Variants in SGSM1 observed in about 807,000 individuals in gnomAD.
SGSM1 encodes RUN and TBC1 domain containing 2.
SGSM1 carries 73 observed loss-of-function variants against 133.8 expected under a neutral mutation model. The observed-to-expected ratio is 0.55, with a 90% CI of 0.45 to 0.66. SGSM1 has a LOEUF of 0.66. SGSM1 is among the 30% of genes least tolerant of loss of function. The probability of loss-of-function intolerance (pLI) is 0.00; values close to 1 mark genes in which losing one functional copy is unlikely to be tolerated. For missense variants in SGSM1, 1,213 were observed against 1,448.1 expected, an observed-to-expected ratio of 0.84 and a Z score of 2.64; for synonymous variants, 563 against 573.0, an observed-to-expected ratio of 0.98 and a Z score of 0.25.
At chr22:24,837,357 G>T (rs1280098639) in intron 2 of SGSM1, among the ~76,000 whole-genome samples, 1 of 152,208 alleles carries the variant, frequency 6.6e-6, no homozygotes, top group African/African-American at 2.4e-5. Context: ...GCATATCAGG[G>T]ACTATTAGTA....
At chr22:24,889,557 G>T (rs1375061779) in intron 16 of SGSM1, among the ~76,000 whole-genome samples, 2 of 151,460 alleles carry the variant, frequency 1.3e-5, no homozygotes, top group Non-Finnish European at 2.9e-5. Context: ...TTATAGGCAT[G>T]CGCCACCACA....
intron 10 of SGSM1, 34 bp from the exon 11 acceptor site, chr22:24,868,341 TC>T (rs1931569779): frequency 3.1e-6 from 5 of 1,589,156 alleles, no homozygotes; most frequent in Non-Finnish European, 4.3e-6. Flanking sequence ...CATAGTGACT[TC>T]CACTGGGTCT....
intron 14 of SGSM1, among the ~76,000 whole-genome samples, chr22:24,882,011 G>T (rs180899473): frequency 6.9e-6 from 1 of 145,894 alleles, no homozygotes; most frequent in Admixed American, 7.1e-5. Flanking sequence ...TACTGACTTG[G>T]GGGGGGGCCT....
intron 2 of SGSM1, among the ~76,000 whole-genome samples, chr22:24,809,261 T>A (rs981889793): frequency 7.2e-5 from 11 of 152,332 alleles, no homozygotes; most frequent in Non-Finnish European, 1.5e-4. Flanking sequence ...CCTAGAAATC[T>A]GAGAGTCAAA....
At chr22:24,807,605 C>G (rs1232765369) in intron 2 of SGSM1, among the ~76,000 whole-genome samples, 2 of 152,172 alleles carry the variant, frequency 1.3e-5, no homozygotes, top group African/African-American at 4.8e-5. Flanking sequence ...CCCATTGCTG[C>G]TGTGTCTTCA....
chr22:24,825,680 T>C (rs1317619584), intron 2 of SGSM1, among the ~76,000 whole-genome samples: 2 of 152,210 alleles, frequency 1.3e-5, no homozygotes, highest in African/African-American at 4.8e-5. Context: ...TCCACCCGCC[T>C]CAGCCTCCCA....
Position 24,868,870 on chromosome 22 carries a change from C to T in SGSM1, c.1291+15C>T, listed in dbSNP as rs978503589. On this transcript the variant is annotated intron_variant, in intron 12 of 24. Coordinates refer to ENST00000400358, the MANE Select transcript of SGSM1 (RefSeq NM_001098497.3). ...GTCGGAATTCGGTGAGCTGCCCTGT[C>T]CCGGGCCCCGGGGAGTCACCTGCTA... 1 of 1,612,102 alleles carries T rather than the reference C, an allele frequency of 6.2e-7. No homozygotes were observed. Among genetic ancestry groups the T allele is most frequent in the Non-Finnish European group, 8.5e-7 (1 of 1,179,070 alleles).
In SGSM1 at chr22:24,893,466, C is replaced by T. The variant is rs1451919703; in HGVS notation, c.1806C>T (p.Thr602=). The T allele has an allele frequency of 1.2e-6, 2 of 1,613,904 alleles. No homozygotes were observed. The highest frequency in any genetic ancestry group is 4.5e-5 in the East Asian group (2 of 44,860). ...AGATTCATGCCTGCTATGCACAGAC[C>T]ATGGCTGAGTGGCTGGGCTGCGAGG... is the stretch of plus-strand genomic sequence containing the variant. ...DEQIHACYAQ[T]MAEWLGCEAI... is the part of the protein sequence containing the mutation. Residue 602 remains threonine (T), a synonymous_variant, in exon 17 of 25, where the codon ACC becomes ACT. Coordinates refer to ENST00000400358, the MANE Select transcript of SGSM1 (RefSeq NM_001098497.3).
chr22:24,905,839 C>T lies in SGSM1; in HGVS notation c.2818+652C>T, dbSNP rs1337887662. 5.3e-5 allele frequency among the ~76,000 whole-genome samples: 8 copies of T among 151,168 alleles called. No individual in the cohort carries two copies. The East Asian group carries it at 7.7e-4, about 15-fold the overall frequency. Reference sequence around the variant, plus strand: ...AAAAGAAGGATTAATGCCAATTCTTCGTGAACTCTTCAAAAACGTAGAAAA... The same window carrying T: ...AAAAGAAGGATTAATGCCAATTCTTTGTGAACTCTTCAAAAACGTAGAAAA... On this transcript the variant is annotated intron_variant, in intron 21 of 24. Coordinates refer to ENST00000400358, the MANE Select transcript of SGSM1 (RefSeq NM_001098497.3).
At chr22:24,872,626 T>C (rs1186406399) in intron 12 of SGSM1, among the ~76,000 whole-genome samples, 1 of 152,218 alleles carries the variant, frequency 6.6e-6, no homozygotes, top group Non-Finnish European at 1.5e-5. Context: ...GCTACAAAAA[T>C]TTTTAAATTA....
At chr22:24,846,016 T>C (rs1181220689) in intron 3 of SGSM1, among the ~76,000 whole-genome samples, 2 of 142,298 alleles carry the variant, frequency 1.4e-5, no homozygotes, top group Non-Finnish European at 3.0e-5. Context: ...TTTCTTCATT[T>C]CTTTCTCTCT....
At chr22:24,891,550 T>A (rs1321926598) in intron 16 of SGSM1, among the ~76,000 whole-genome samples, 2 of 152,128 alleles carry the variant, frequency 1.3e-5, no homozygotes, top group Non-Finnish European at 2.9e-5. Context: ...TCAGTACTAG[T>A]GTGAGGCCCC....
intron 22 of SGSM1, among the ~76,000 whole-genome samples, chr22:24,913,024 T>C (rs60529841): frequency 0.056 from 8,455 of 152,146 alleles, 368 homozygotes; most frequent in African/African-American, 0.11. Flanking sequence ...GCACAGTGCA[T>C]GTCAGTGCCT....
chr22:24,882,929 G>A (rs6004345), intron 14 of SGSM1, among the ~76,000 whole-genome samples: 32,554 of 147,962 alleles, frequency 0.22, 3,846 homozygotes, highest in African/African-American at 0.31. Flanking sequence ...ACAGAGTCTC[G>A]CTCTGTCGCC....
intron 2 of SGSM1, chr22:24,814,294 CAAAAA>C (rs1045853890): frequency 1.5e-5 from 1 of 66,110 alleles, no homozygotes; most frequent in African/African-American, 5.3e-5. Context: ...CAAAACAAAA[CAAAAA>C]CTAGCATATA....
At chr22:24,887,183 G>T (rs1466088731) in intron 16 of SGSM1, among the ~76,000 whole-genome samples, 1 of 111,410 alleles carries the variant, frequency 9.0e-6, no homozygotes, top group Non-Finnish European at 1.9e-5. Flanking sequence ...CCATCACCAC[G>T]GCCAACATAC....
At chr22:24,819,305 G>T (rs1230645114) in intron 2 of SGSM1, among the ~76,000 whole-genome samples, 3 of 152,180 alleles carry the variant, frequency 2.0e-5, no homozygotes, top group Admixed American at 1.3e-4. Flanking sequence ...AATTGAAAAT[G>T]CAGTTCCTCA....
rs1001037431 is a variant in SGSM1, at chr22:24,876,707, C to A, written c.1422C>A (p.Asn474Lys). ...ATGGTAGCTCGACCAATGGCTGCAA[C>A]CATGAGAGGTATGAGGGGCTTGAGC... ...SADGSSTNGC[N>K]HERAPLKLLC... The change falls in exon 13 of 25, where the codon AAC (asparagine) becomes AAA (lysine). Residue 474 changes from asparagine to lysine, a missense_variant. Coordinates refer to ENST00000400358, the MANE Select transcript of SGSM1 (RefSeq NM_001098497.3). The A allele has an allele frequency of 6.2e-7, 1 of 1,613,886 alleles. No homozygotes were observed. The highest frequency in any genetic ancestry group is 8.5e-7 in the Non-Finnish European group (1 of 1,179,864).
chr22:24,845,295 C>A (rs1930033705), intron 3 of SGSM1, among the ~76,000 whole-genome samples: 1 of 152,020 alleles, frequency 6.6e-6, no homozygotes, highest in Non-Finnish European at 1.5e-5. Flanking sequence ...GTGGCTATTG[C>A]TAGGTAAAGG....
Sources: gnomAD v4.1 joint callset for allele counts (sites outside exome capture counted in the v4.1 genomes callset) on GRCh38, gnomAD v4.1.1 for gene constraint, MANE v1.5 for transcripts, NCBI Gene and HGNC (gene_info 2026-07-23, HGNC 2026-07-21) for gene names.